The following ZER1 variants were observed in gnomAD, a reference collection of about 807,000 sequenced individuals.
ZER1 encodes the protein protein zer-1 homolog.
A neutral mutation model predicts 78.8 loss-of-function variants in ZER1; 11 were observed. The ratio of observed to expected loss-of-function variants is 0.14; its 90% confidence interval spans 0.09 to 0.23. ZER1 has a LOEUF of 0.23. ZER1 is among the 10% of genes least tolerant of loss of function. The pLI is 1.00. For synonymous variants in ZER1, 400 were observed against 407.0 expected (o/e 0.98, Z 0.21); for missense variants, 588 against 996.9 (o/e 0.59, Z 5.52).
Position 128,741,793 on chromosome 9 carries a change from G to C in ZER1, c.1617+7C>G. The C allele has an allele frequency of 1.9e-6, 3 of 1,614,196 alleles. No individual in the cohort carries two copies. Among genetic ancestry groups the C allele is most frequent in the African/African-American group, 2.7e-5 (2 of 75,048 alleles). ...GGGTAGCGTGGCTTCGTGAAGACTT[G>C]ACTTACTGTCTTGTCCAGCAGCTTC... On this transcript the variant is annotated splice_region_variant and intron_variant, in intron 10 of 15. Coordinates refer to ENST00000291900, the MANE Select transcript of ZER1 (RefSeq NM_006336.4).
At chr9:128,749,041 A>G (rs949032845) in intron 8 of ZER1, among the ~76,000 whole-genome samples, 1 of 144,794 alleles carries the variant, frequency 6.9e-6, no homozygotes, top group African/African-American at 2.5e-5. Context: ...ATATATATAT[A>G]TTGTGGCTGA....
Position 128,754,994 on chromosome 9 carries a change from C to T in ZER1, c.158+414G>A, listed in dbSNP as rs1473697791. 6.6e-6 allele frequency among the ~76,000 whole-genome samples: 1 copy of T among 152,188 alleles called. No individual in the cohort carries two copies. The highest frequency in any genetic ancestry group is 1.5e-5 in the Non-Finnish European group (1 of 68,040). ...ACCGGCATGTACATGCATATGTGGC[C>T]ATGCTCACTGAATTCACAAGCACAG... On this transcript the variant is annotated intron_variant, in intron 2 of 15. Coordinates refer to ENST00000291900, the MANE Select transcript of ZER1 (RefSeq NM_006336.4). The surrounding 1 kb of genome is among the most constrained non-coding windows in gnomAD (Gnocchi z 4.3).
At position 128,751,851 on chromosome 9, in the gene ZER1, G is replaced by A. The variant is rs1449252854; in HGVS notation, c.924-324C>T. 6.6e-6 allele frequency among the ~76,000 whole-genome samples: 1 copy of A among 152,186 alleles called. No homozygotes were observed. The highest frequency in any genetic ancestry group is 2.4e-5 in the African/African-American group (1 of 41,436). ...AACTGAACACCATTAAAGCAGGCTG[G>A]GGCCAGGGCTTATGGGTGGCCAGTT... is the stretch of plus-strand genomic sequence containing the variant. On this transcript the variant is annotated intron_variant, in intron 5 of 15. Coordinates refer to ENST00000291900, the MANE Select transcript of ZER1 (RefSeq NM_006336.4). This position sits in a 1 kb window ranked among gnomAD's most constrained non-coding sequence, Gnocchi z 5.4.
At chr9:128,739,501 CAAA>C (rs563196410) in intron 13 of ZER1, among the ~76,000 whole-genome samples, 4 of 77,798 alleles carry the variant, frequency 5.1e-5, no homozygotes, top group Admixed American at 3.0e-4. Context: ...GACTCTGTCT[CAAA>C]AAAAAAAAAA....
At chr9:128,743,642 C>T (rs1863382101) in intron 8 of ZER1, among the ~76,000 whole-genome samples, 1 of 152,002 alleles carries the variant, frequency 6.6e-6, no homozygotes, top group South Asian at 2.1e-4. Flanking sequence ...CTGGCCTCTA[C>T]TTCCTGGGTT....
intron 14 of ZER1, among the ~76,000 whole-genome samples, chr9:128,734,284 C>T (rs974387338): frequency 1.4e-5 from 2 of 145,782 alleles, no homozygotes; most frequent in Non-Finnish European, 3.0e-5. Context: ...GCAACCTCTG[C>T]CTCCTGGGTT....
chr9:128,751,319 T>C lies in ZER1; in HGVS notation c.1039-51A>G. 1 of 1,605,690 alleles carries C rather than the reference T, an allele frequency of 6.2e-7. No homozygotes were observed. Among genetic ancestry groups the C allele is most frequent in the Non-Finnish European group, 8.5e-7 (1 of 1,173,724 alleles). On this transcript the variant is annotated intron_variant, in intron 6 of 15. Transcript: ENST00000291900. The surrounding 1 kb of genome is among the most constrained non-coding windows in gnomAD (Gnocchi z 5.4). ...ACCCAGCAGAGGCCAAGGGCTGGGATGCCAGATCCCAGCTCAGTCTCCAGC... is the reference window on the plus strand; with the variant it reads ...ACCCAGCAGAGGCCAAGGGCTGGGACGCCAGATCCCAGCTCAGTCTCCAGC...
In ZER1 at chr9:128,742,641, G is replaced by A. The variant is rs763729484; in HGVS notation, c.1464C>T (p.Pro488=). 3.1e-6 allele frequency: 5 copies of A among 1,614,128 alleles called. No homozygotes were observed. Among genetic ancestry groups the A allele is most frequent in the Middle Eastern group, 1.6e-4 (1 of 6,084 alleles). The change falls in exon 9 of 16, where the codon CCC becomes CCT. Residue 488 remains proline, a synonymous_variant. Transcript: ENST00000291900. The part of the protein sequence containing the change: ...VNELLLSILN[P]TRQDESIQRI... ...GCTGGATAGACTCGTCCTGCCGCGT[G>A]GGGTTGAGGATGCTGAGCAGGAGCT...
At chr9:128,756,642 A>C (rs1863868886) in intron 1 of ZER1, among the ~76,000 whole-genome samples, 1 of 152,254 alleles carries the variant, frequency 6.6e-6, no homozygotes, top group Non-Finnish European at 1.5e-5. Context: ...CAGTTTAAAA[A>C]AAAAGTCATA....
rs192572341 is a variant in ZER1, at chr9:128,754,101, C to G, written c.159-142G>C. ...TCTCCTAAGAGTATCTGGTCAGATC[C>G]TGACTAAACTACCAGTAAGATTAAG... On this transcript the variant is annotated intron_variant, in intron 2 of 15. Transcript: ENST00000291900. This position sits in a 1 kb window ranked among gnomAD's most constrained non-coding sequence, Gnocchi z 4.3. 151 of 1,077,978 alleles carry G rather than the reference C, an allele frequency of 1.4e-4. 1 individual carries two copies. In the African/African-American group the frequency reaches 2.3e-3, roughly 16 times the overall value. The allele number at this position is 1,077,978 out of a possible 1,614,324, so 66.8% of individuals were successfully genotyped here.
chr9:128,764,888 T>C (rs919777784), intron 1 of ZER1, among the ~76,000 whole-genome samples: 2 of 152,066 alleles, frequency 1.3e-5, no homozygotes, highest in Non-Finnish European at 2.9e-5. Context: ...TCTCTAATAC[T>C]AGGTCTATCA....
chr9:128,747,765 C>G (rs372084488), intron 8 of ZER1, among the ~76,000 whole-genome samples: 105 of 152,168 alleles, frequency 6.9e-4, no homozygotes, highest in Middle Eastern at 3.4e-3. Context: ...ACTACAGGCA[C>G]CCGCCAGTAT....
At chr9:128,752,996 C>G in intron 4 of ZER1, 147 bp from the exon 5 acceptor site, 1 of 1,267,554 alleles carries the variant, frequency 7.9e-7, no homozygotes, top group South Asian at 1.5e-5. Context: ...CCCCAAACAG[C>G]CCCAATCCAG....
In ZER1 at chr9:128,755,373, G is replaced by A; in HGVS notation, c.158+35C>T. On this transcript the variant is annotated intron_variant, in intron 2 of 15. Transcript: ENST00000291900. The surrounding 1 kb of genome is among the most constrained non-coding windows in gnomAD (Gnocchi z 5.6). ...ATCTCTCTATACACATTCATGGTAA[G>A]ACCCCTGCCCCTCCTCAGCCCTGGG... 1 of 1,611,544 alleles carries A rather than the reference G, an allele frequency of 6.2e-7. No individual in the cohort carries two copies. The highest frequency in any genetic ancestry group is 1.3e-5 in the African/African-American group (1 of 74,936).
intron 14 of ZER1, among the ~76,000 whole-genome samples, chr9:128,734,460 G>A (rs140381701): frequency 6.6e-6 from 1 of 151,310 alleles, no homozygotes; most frequent in East Asian, 2.0e-4. Context: ...GCCTCCCAAT[G>A]TGCTAGGATT....
chr9:128,764,149 C>T (rs1366249756), intron 1 of ZER1, among the ~76,000 whole-genome samples: 2 of 152,080 alleles, frequency 1.3e-5, no homozygotes, highest in Non-Finnish European at 2.9e-5. Flanking sequence ...GGGCCCAGGT[C>T]CATGACTATT....
rs1243904022 is a variant in ZER1 at position 128,740,684 on chromosome 9, C to T, written c.1853+88G>A. 5 of 696,618 alleles carry T rather than the reference C, an allele frequency of 7.2e-6. No individual in the cohort carries two copies. Among genetic ancestry groups the T allele is most frequent in the Non-Finnish European group, 1.3e-5 (5 of 375,526 alleles). 43.2% of individuals were successfully genotyped at this position (696,618 alleles called of 1,614,324 possible). ...AAATGACATTTATAGCAAACCTAGG[C>T]TAAGAGCAGTTGTGCAACTGAGCAA... On this transcript the variant is annotated intron_variant, in intron 12 of 15. Transcript: ENST00000291900. This position sits in a 1 kb window ranked among gnomAD's most constrained non-coding sequence, Gnocchi z 4.4.
At position 128,751,137 on chromosome 9, in the gene ZER1, C is replaced by A. The variant is rs1863663490; in HGVS notation, c.1170G>T (p.Leu390=). 6.3e-7 allele frequency: 1 copy of A among 1,596,168 alleles called. No homozygotes were observed. The part of the protein sequence containing the change: ...DIARIERCNQ[L]LRALKLVITA... Reference sequence around the variant, plus strand: ...TGGAGCTGACCTTCAGGGCCCGCAGCAGCTGGTTGCAACGCTCGATGCGGG... The same window carrying A: ...TGGAGCTGACCTTCAGGGCCCGCAGAAGCTGGTTGCAACGCTCGATGCGGG... The change falls in exon 7 of 16, where the codon CTG becomes CTT. Residue 390 remains leucine, a synonymous_variant. Transcript: ENST00000291900. The surrounding 1 kb of genome is among the most constrained non-coding windows in gnomAD (Gnocchi z 5.4).
At chr9:128,750,520 T>A (rs972762059) in intron 8 of ZER1, 96 bp downstream of exon 8, 2 of 1,426,374 alleles carry the variant, frequency 1.4e-6, no homozygotes, top group Non-Finnish European at 1.9e-6. Flanking sequence ...CTGGGACAGA[T>A]GCAGCCCAGA....
Sources: allele counts gnomAD v4.1 joint callset (sites outside exome capture counted in the v4.1 genomes callset), GRCh38; gene constraint gnomAD v4.1.1; non-coding constraint Gnocchi (gnomAD v3.1); transcripts MANE v1.5; gene names NCBI Gene and HGNC (gene_info 2026-07-23, HGNC 2026-07-21).